The following INPP4A variants were observed in gnomAD, a reference collection of about 807,000 sequenced individuals.
INPP4A encodes the protein inositol polyphosphate-4-phosphatase, type I, 107kD.
A neutral mutation model predicts 119.8 loss-of-function variants in INPP4A; 33 were observed. The ratio of observed to expected loss-of-function variants is 0.28; its 90% CI spans 0.21 to 0.37. INPP4A has a LOEUF of 0.37. Ranked by LOEUF, INPP4A falls within the 10% of genes least tolerant of loss-of-function variation. The pLI, the probability that INPP4A is intolerant of heterozygous loss-of-function variation, is 1.00. For missense variants in INPP4A, 956 were observed against 1,289.9 expected, an observed-to-expected ratio of 0.74 and a Z score of 3.97; for synonymous variants, 496 against 500.7, an observed-to-expected ratio of 0.99 and a Z score of 0.12.
At chr2:98,530,715 C>G (rs940827699) in intron 4 of INPP4A, among the ~76,000 whole-genome samples, 1 of 151,994 alleles carries the variant, frequency 6.6e-6, no homozygotes, top group Non-Finnish European at 1.5e-5. Context: ...TTCTCAGAAA[C>G]ATGAGGAGAT....
chr2:98,518,172 A>G (rs938330577), intron 1 of INPP4A, among the ~76,000 whole-genome samples: 3 of 152,230 alleles, frequency 2.0e-5, no homozygotes, highest in Non-Finnish European at 2.9e-5. Context: ...TACCAGTCAC[A>G]TTGCACATTG....
At chr2:98,584,606 G>T (rs891156806) in intron 24 of INPP4A, among the ~76,000 whole-genome samples, 35 of 152,274 alleles carry the variant, frequency 2.3e-4, no homozygotes, top group African/African-American at 8.0e-4. Context: ...GCCCATGTGG[G>T]CTTGGCCCGT....
At chr2:98,465,608 A>G (rs1674578460) in intron 1 of INPP4A, among the ~76,000 whole-genome samples, 1 of 152,108 alleles carries the variant, frequency 6.6e-6, no homozygotes, top group South Asian at 2.1e-4. Flanking sequence ...AGTGGGCTTA[A>G]TGAGGAAGCT....
At chr2:98,512,126 C>T (rs1685223301) in intron 1 of INPP4A, among the ~76,000 whole-genome samples, 1 of 152,226 alleles carries the variant, frequency 6.6e-6, no homozygotes, top group South Asian at 2.1e-4. Flanking sequence ...AGGTGACAAC[C>T]TCACAGGGCT....
chr2:98,524,941 A>G (rs2105805681), intron 4 of INPP4A, among the ~76,000 whole-genome samples: 1 of 152,308 alleles, frequency 6.6e-6, no homozygotes, highest in Non-Finnish European at 1.5e-5. Flanking sequence ...ATGTTAAAGC[A>G]ATATAAATGT....
At chr2:98,460,323 G>A (rs1448939289) in intron 1 of INPP4A, among the ~76,000 whole-genome samples, 2 of 152,024 alleles carry the variant, frequency 1.3e-5, no homozygotes, top group Non-Finnish European at 2.9e-5. Context: ...GTCATGGAAG[G>A]GCAGTGGCTC....
chr2:98,573,774 C>T (rs1251647828), intron 23 of INPP4A, among the ~76,000 whole-genome samples: 1 of 152,158 alleles, frequency 6.6e-6, no homozygotes, highest in African/African-American at 2.4e-5. Context: ...GGTGCATGGC[C>T]GCCACTTCGG....
At chr2:98,488,342 G>A (rs1679969845) in intron 1 of INPP4A, among the ~76,000 whole-genome samples, 1 of 152,136 alleles carries the variant, frequency 6.6e-6, no homozygotes, top group Admixed American at 6.5e-5. Context: ...CAATTTATGT[G>A]TACTCAGCTG....
At position 98,555,723 on chromosome 2, in the gene INPP4A, A is replaced by G; in HGVS notation, c.1737A>G (p.Arg579=). ...CGGACAGCCACGCCTACTGGATCAG[A>G]CCAGAAGACCCCTTCTGTGATGTCC... ...GNPDSHAYWI[R]PEDPFCDVPS... is the part of the protein sequence containing the mutation. Residue 579 remains arginine, a synonymous_variant, in exon 16 of 25, where the codon AGA becomes AGG. Coordinates refer to ENST00000409851, the MANE Select transcript of INPP4A (RefSeq NM_001134225.2). The G allele has an allele frequency of 6.2e-7, 1 of 1,609,724 alleles. No individual in the cohort carries two copies. The highest frequency in any genetic ancestry group is 8.5e-7 in the Non-Finnish European group (1 of 1,177,786).
At chr2:98,500,726 A>G (rs956428575) in intron 1 of INPP4A, among the ~76,000 whole-genome samples, 3 of 152,184 alleles carry the variant, frequency 2.0e-5, no homozygotes, top group African/African-American at 7.2e-5. Context: ...GGACAATCAG[A>G]CATCACCTAG....
chr2:98,552,745 A>T, intron 13 of INPP4A, 41 bp from the exon 14 acceptor site: 3 of 1,510,294 alleles, frequency 2.0e-6, no homozygotes, highest in Non-Finnish European at 2.8e-6. Flanking sequence ...TCCTTTTCAG[A>T]TTCTGGAGAA....
Position 98,578,368 on chromosome 2 carries a change from G to T in INPP4A, c.2786+1225G>T, listed in dbSNP as rs17033789. ...CAGACCTCAGCCAGTGAAGAAAGGA[G>T]AACAAAGTGGACAGGGATCCCTGTG... On this transcript the variant is annotated intron_variant, in intron 24 of 24. Transcript: ENST00000409851. Among the ~76,000 whole-genome samples the T allele has an allele frequency of 6.5e-3, 996 of 152,300 alleles. 18 individuals are homozygous for T. Among genetic ancestry groups the T allele is most frequent in the African/African-American group, 0.022 (932 of 41,568 alleles).
At chr2:98,498,800 C>G (rs1335078911) in intron 1 of INPP4A, among the ~76,000 whole-genome samples, 2 of 152,056 alleles carry the variant, frequency 1.3e-5, no homozygotes, top group Non-Finnish European at 2.9e-5. Context: ...AAGAAGAGAC[C>G]TCATGAAAGA....
chr2:98,587,752 G>T lies in INPP4A; in HGVS notation c.*144G>T. 1 of 689,242 alleles carries T rather than the reference G, an allele frequency of 1.5e-6. No homozygotes were observed. Among genetic ancestry groups the T allele is most frequent in the Non-Finnish European group, 2.3e-6 (1 of 439,342 alleles). The allele number at this position is 689,242 out of a possible 1,614,324, so 42.7% of individuals were successfully genotyped here. A position where few individuals can be genotyped will look rare whatever the true frequency, so the allele number is the denominator to read the frequency against. On this transcript the variant is annotated 3_prime_UTR_variant, in exon 25 of 25. Coordinates refer to ENST00000409851, the MANE Select transcript of INPP4A (RefSeq NM_001134225.2). ...AAAAACATTTCACTAAAGAGTCTCT[G>T]GAGCATGTTTTTTGTTTTTTGGGTT...
intron 1 of INPP4A, among the ~76,000 whole-genome samples, chr2:98,467,424 T>TCATCCC: frequency 6.6e-6 from 1 of 152,210 alleles, no homozygotes; most frequent in Non-Finnish European, 1.5e-5. Flanking sequence ...GTTAACTTGG[T>TCATCCC]CTCTACATCT....
intron 7 of INPP4A, among the ~76,000 whole-genome samples, chr2:98,536,450 A>G (rs1690282975): frequency 3.3e-5 from 5 of 152,232 alleles, no homozygotes; most frequent in Admixed American, 6.5e-5. Flanking sequence ...GAAGGCCTAG[A>G]TACATATCTA....
At chr2:98,578,212 C>G (rs1483016205) in intron 24 of INPP4A, among the ~76,000 whole-genome samples, 1 of 152,120 alleles carries the variant, frequency 6.6e-6, no homozygotes, top group Non-Finnish European at 1.5e-5. Flanking sequence ...ATTTTAATTC[C>G]CTGGTCTGCT....
At chr2:98,583,361 G>GCCA (rs1699601983) in intron 24 of INPP4A, among the ~76,000 whole-genome samples, 1 of 152,070 alleles carries the variant, frequency 6.6e-6, no homozygotes, top group Non-Finnish European at 1.5e-5. Context: ...GTGGGCAGTT[G>GCCA]CGGTGGATGG....
At chr2:98,534,637 G>A (rs1299226287) in intron 5 of INPP4A, among the ~76,000 whole-genome samples, 1 of 152,196 alleles carries the variant, frequency 6.6e-6, no homozygotes, top group Admixed American at 6.5e-5. Flanking sequence ...CTGTATCCTG[G>A]TCAGTGTGTG....
Sources: allele counts gnomAD v4.1 joint callset (sites outside exome capture counted in the v4.1 genomes callset), GRCh38; gene constraint gnomAD v4.1.1; transcripts MANE v1.5; gene names NCBI Gene and HGNC (gene_info 2026-07-23, HGNC 2026-07-21).